STX8: variants seen among roughly 807,000 people sequenced by gnomAD.
STX8 encodes the protein syntaxin 8.
Under a neutral mutation model 37.5 loss-of-function variants are expected in STX8, and 23 were observed. The ratio of observed to expected loss-of-function variants is 0.61; its 90% CI spans 0.44 to 0.87. The LOEUF (loss-of-function observed/expected upper bound fraction) is 0.87, where lower values mean the gene tolerates loss of function less well. Ranked by LOEUF, STX8 falls within the 40% of genes least tolerant of loss-of-function variation. The pLI is 0.00. For synonymous variants in STX8, 115 were observed against 99.1 expected (o/e 1.16, Z -0.95); for missense variants, 313 against 284.7 (o/e 1.10, Z -0.71).
At chr17:9,303,490 T>C (rs1908859362) in intron 7 of STX8, among the ~76,000 whole-genome samples, 1 of 152,140 alleles carries the variant, frequency 6.6e-6, no homozygotes, top group Non-Finnish European at 1.5e-5. Context: ...CACAAAAGTA[T>C]TAACACTGAT....
intron 7 of STX8, among the ~76,000 whole-genome samples, chr17:9,330,112 G>A (rs1909913208): frequency 6.6e-6 from 1 of 152,112 alleles, no homozygotes; most frequent in Admixed American, 6.5e-5. Context: ...AGAAACAGGA[G>A]GCAGAGTCCC....
At chr17:9,342,696 A>G (rs1277608851) in intron 7 of STX8, among the ~76,000 whole-genome samples, 1 of 152,052 alleles carries the variant, frequency 6.6e-6, no homozygotes, top group Non-Finnish European at 1.5e-5. Flanking sequence ...GTGCCAGGAA[A>G]TGACAGGGAG....
chr17:9,547,789 T>C (rs940405887), intron 3 of STX8, among the ~76,000 whole-genome samples: 1 of 139,942 alleles, frequency 7.1e-6, no homozygotes, highest in African/African-American at 2.9e-5. Context: ...TTTCTTTTTT[T>C]TTTTTTTGTT....
intron 7 of STX8, among the ~76,000 whole-genome samples, chr17:9,366,196 G>A (rs1464300986): frequency 6.6e-6 from 1 of 152,094 alleles, no homozygotes; most frequent in Non-Finnish European, 1.5e-5. Flanking sequence ...CCCACTGCCT[G>A]GAATGCTATT....
chr17:9,479,111 C>G (rs1906211887), intron 6 of STX8, among the ~76,000 whole-genome samples: 1 of 152,148 alleles, frequency 6.6e-6, no homozygotes, highest in Non-Finnish European at 1.5e-5. Context: ...TGGTAAACAC[C>G]TGTTGAATGG....
intron 4 of STX8, among the ~76,000 whole-genome samples, chr17:9,532,402 T>C (rs1052589020): frequency 6.6e-6 from 1 of 152,152 alleles, no homozygotes; most frequent in African/African-American, 2.4e-5. Flanking sequence ...TCCTGTTTTT[T>C]TAAAAAACAC....
At chr17:9,307,928 C>T (rs1227961173) in intron 7 of STX8, among the ~76,000 whole-genome samples, 1 of 152,152 alleles carries the variant, frequency 6.6e-6, no homozygotes, top group Non-Finnish European at 1.5e-5. Flanking sequence ...CCCTTGAAGA[C>T]CCTCATTCCA....
At chr17:9,544,131 C>T (rs1397534942) in intron 4 of STX8, among the ~76,000 whole-genome samples, 1 of 152,166 alleles carries the variant, frequency 6.6e-6, no homozygotes, top group African/African-American at 2.4e-5. Context: ...CACACTATTC[C>T]TAACTGGAAA....
chr17:9,547,858 C>A (rs546389871), intron 3 of STX8, among the ~76,000 whole-genome samples: 1 of 147,724 alleles, frequency 6.8e-6, no homozygotes, highest in East Asian at 2.0e-4. Flanking sequence ...AGTGTTGCAA[C>A]CTTGGCTCAC....
intron 6 of STX8, among the ~76,000 whole-genome samples, chr17:9,454,880 A>G (rs1905144808): frequency 6.6e-6 from 1 of 151,796 alleles, no homozygotes. Context: ...ATTATCTTAC[A>G]CTCAGGAATA....
At chr17:9,331,019 C>T (rs567208233) in intron 7 of STX8, among the ~76,000 whole-genome samples, 1 of 152,316 alleles carries the variant, frequency 6.6e-6, no homozygotes, top group South Asian at 2.1e-4. Flanking sequence ...CTCACTTTCC[C>T]TGCAATTTTA....
chr17:9,371,508 C>T (rs901992142), intron 7 of STX8, among the ~76,000 whole-genome samples: 3 of 152,332 alleles, frequency 2.0e-5, no homozygotes, highest in South Asian at 2.1e-4. Flanking sequence ...GTTAACTCTT[C>T]GCTGTATCTC....
At chr17:9,490,979 G>A (rs188132880) in intron 6 of STX8, among the ~76,000 whole-genome samples, 312 of 152,226 alleles carry the variant, frequency 2.0e-3, no homozygotes, top group Non-Finnish European at 2.7e-3. Flanking sequence ...CACATAGTGG[G>A]GGCTTTCCAT....
At chr17:9,498,284 G>T (rs1352069138) in intron 5 of STX8, among the ~76,000 whole-genome samples, 3 of 151,998 alleles carry the variant, frequency 2.0e-5, no homozygotes, top group African/African-American at 7.3e-5. Flanking sequence ...CAGCTACTTG[G>T]GAGGCTGAGG....
intron 7 of STX8, among the ~76,000 whole-genome samples, chr17:9,367,565 G>A (rs1374729789): frequency 3.9e-5 from 6 of 152,062 alleles, no homozygotes; most frequent in African/African-American, 9.6e-5. Flanking sequence ...CCTAAATATC[G>A]AAAAAAGTGC....
intron 6 of STX8, among the ~76,000 whole-genome samples, chr17:9,461,678 G>C (rs1905395532): frequency 6.6e-6 from 1 of 152,118 alleles, no homozygotes; most frequent in African/African-American, 2.4e-5. Flanking sequence ...TTTTTACATG[G>C]ACTAGTGGGT....
intron 4 of STX8, among the ~76,000 whole-genome samples, chr17:9,527,760 C>T (rs1009997883): frequency 1.3e-5 from 2 of 152,098 alleles, no homozygotes; most frequent in African/African-American, 2.4e-5. Context: ...GGAAAGGGGC[C>T]CTCACACAGA....
At chr17:9,343,321 A>C (rs1910435708) in intron 7 of STX8, among the ~76,000 whole-genome samples, 1 of 152,186 alleles carries the variant, frequency 6.6e-6, no homozygotes, top group African/African-American at 2.4e-5. Context: ...AAATCAGATG[A>C]AAGGGGTTAA....
At chr17:9,397,958 A>AGCCTGGG (rs1208412189) in intron 6 of STX8, among the ~76,000 whole-genome samples, 1 of 147,012 alleles carries the variant, frequency 6.8e-6, no homozygotes, top group Non-Finnish European at 1.5e-5. Flanking sequence ...ATTGCACTCC[A>AGCCTGGG]GCCTGGGGGA....
Sources: gnomAD v4.1 joint callset for allele counts (sites outside exome capture counted in the v4.1 genomes callset) on GRCh38, gnomAD v4.1.1 for gene constraint, MANE v1.5 for transcripts, NCBI Gene and HGNC (gene_info 2026-07-23, HGNC 2026-07-21) for gene names.